The following ATP8B4 variants were observed in gnomAD, a reference collection of about 807,000 sequenced individuals.
ATP8B4 encodes probable phospholipid-transporting ATPase IM.
In ATP8B4, 133 loss-of-function variants were observed where a neutral mutation model predicts 145.6. The observed-to-expected ratio is 0.91, with a 90% confidence interval of 0.79 to 1.05. The LOEUF (loss-of-function observed/expected upper bound fraction) is 1.05, where lower values mean the gene tolerates loss of function less well. Among genes scored for constraint, ATP8B4 ranks in the 50% least tolerant of loss-of-function variants. The pLI is 0.00. For missense variants in ATP8B4, 1,458 were observed against 1,425.2 expected, an observed-to-expected ratio of 1.02 and a Z score of -0.37; for synonymous variants, 507 against 492.9, an observed-to-expected ratio of 1.03 and a Z score of -0.38.
At position 49,934,170 on chromosome 15, in the gene ATP8B4, CA is replaced by C; in HGVS notation, c.1299del (p.Val434TrpfsTer20). 1 of 1,609,778 alleles carries C rather than the reference CA, an allele frequency of 6.2e-7. No individual in the cohort carries two copies. The highest frequency in any genetic ancestry group is 2.2e-5 in the East Asian group (1 of 44,764). Reference protein sequence around the residue: ...QKTEITQEKEPVDFSVKSQAD... With the variant: ...QKTEITQEKEXVDFSVKSQAD... ...GCTTGAGATTTGACTGAGAAATCCA[CA>C]GGCTCTTTTTCCTGTAGGAGAACAA... On this transcript the variant is annotated frameshift_variant, in exon 15 of 28. Transcript: ENST00000284509. LOFTEE classifies it high-confidence loss of function.
intron 1 of ATP8B4, among the ~76,000 whole-genome samples, chr15:50,180,948 T>A (rs1440071647): frequency 6.6e-6 from 1 of 152,102 alleles, no homozygotes; most frequent in Admixed American, 6.5e-5. Flanking sequence ...GACAGAAACC[T>A]AGAGAATAGG....
At chr15:50,138,665 C>G (rs182797256) in intron 1 of ATP8B4, among the ~76,000 whole-genome samples, 1 of 152,170 alleles carries the variant, frequency 6.6e-6, no homozygotes, top group Admixed American at 6.5e-5. Flanking sequence ...GTAAAGTCAA[C>G]TGAATTTCAC....
chr15:50,080,032 C>A (rs1472350312), intron 2 of ATP8B4, among the ~76,000 whole-genome samples: 1 of 152,166 alleles, frequency 6.6e-6, no homozygotes, highest in Non-Finnish European at 1.5e-5. Flanking sequence ...AAGATAACAG[C>A]CATCAGCAGA....
At chr15:50,136,830 G>C (rs1236585888) in intron 1 of ATP8B4, among the ~76,000 whole-genome samples, 2 of 152,176 alleles carry the variant, frequency 1.3e-5, no homozygotes, top group Non-Finnish European at 2.9e-5. Context: ...TACCCCGTCT[G>C]TAAGATGGGG....
At chr15:50,061,419 T>C (rs1244191860) in intron 3 of ATP8B4, among the ~76,000 whole-genome samples, 1 of 152,162 alleles carries the variant, frequency 6.6e-6, no homozygotes, top group Admixed American at 6.5e-5. Context: ...CAGGCATCAT[T>C]TCCACAGGCA....
chr15:50,041,500 C>G (rs1348266751), intron 5 of ATP8B4, among the ~76,000 whole-genome samples: 1 of 152,232 alleles, frequency 6.6e-6, no homozygotes, highest in Admixed American at 6.5e-5. Context: ...ACCTTGTACA[C>G]TGACCTTCAG....
At chr15:50,148,406 T>C (rs1376249984) in intron 1 of ATP8B4, among the ~76,000 whole-genome samples, 1 of 152,032 alleles carries the variant, frequency 6.6e-6, no homozygotes, top group Admixed American at 6.5e-5. Flanking sequence ...CCCTCCAAAA[T>C]GTAGGTGTTG....
At chr15:50,012,119 C>T (rs935014851) in intron 6 of ATP8B4, among the ~76,000 whole-genome samples, 5 of 152,128 alleles carry the variant, frequency 3.3e-5, no homozygotes, top group African/African-American at 7.2e-5. Context: ...CAGTGCTACA[C>T]TTTTCTGAAC....
intron 9 of ATP8B4, among the ~76,000 whole-genome samples, chr15:49,994,525 C>T (rs192525693): frequency 7.9e-5 from 12 of 152,172 alleles, no homozygotes; most frequent in Non-Finnish European, 8.8e-5. Flanking sequence ...ACAAAGATCC[C>T]TGTGTAGCTT....
At chr15:50,030,216 T>C (rs1249586713) in intron 6 of ATP8B4, among the ~76,000 whole-genome samples, 1 of 151,884 alleles carries the variant, frequency 6.6e-6, no homozygotes, top group African/African-American at 2.4e-5. Context: ...AAATTCTGGA[T>C]CTCCTCCCAA....
intron 1 of ATP8B4, among the ~76,000 whole-genome samples, chr15:50,125,324 G>A (rs923425463): frequency 6.6e-6 from 1 of 152,140 alleles, no homozygotes; most frequent in East Asian, 1.9e-4. Flanking sequence ...GAGAAGAGAC[G>A]CTCTGCTCTT....
At chr15:50,034,553 A>G (rs1205062192) in intron 6 of ATP8B4, among the ~76,000 whole-genome samples, 1 of 152,186 alleles carries the variant, frequency 6.6e-6, no homozygotes, top group African/African-American at 2.4e-5. Context: ...AAAATTAGAC[A>G]TAAAATATAA....
chr15:50,028,231 T>C (rs2153588217), intron 6 of ATP8B4, among the ~76,000 whole-genome samples: 1 of 152,368 alleles, frequency 6.6e-6, no homozygotes, highest in East Asian at 1.9e-4. Flanking sequence ...TCATTACTCT[T>C]ACTTTCTATG....
intron 13 of ATP8B4, among the ~76,000 whole-genome samples, chr15:49,964,781 T>C (rs2044378091): frequency 6.6e-6 from 1 of 152,192 alleles, no homozygotes. Context: ...AAATAGGACA[T>C]TTATCACAAA....
chr15:50,147,420 CAAAAAAAAAA>C (rs11346792), intron 1 of ATP8B4, among the ~76,000 whole-genome samples: 1 of 122,804 alleles, frequency 8.1e-6, no homozygotes, highest in Non-Finnish European at 1.7e-5. Context: ...ACACTGTCTC[CAAAAAAAAAA>C]AAAAAAAAAA....
chr15:50,164,468 G>A (rs1048747373), intron 1 of ATP8B4, among the ~76,000 whole-genome samples: 1 of 152,046 alleles, frequency 6.6e-6, no homozygotes, highest in Non-Finnish European at 1.5e-5. Flanking sequence ...GTCCCTGCCT[G>A]TGTCTTATTT....
chr15:50,030,738 C>T (rs1288997556), intron 6 of ATP8B4, among the ~76,000 whole-genome samples: 1 of 152,152 alleles, frequency 6.6e-6, no homozygotes, highest in African/African-American at 2.4e-5. Context: ...ACATCTGGGT[C>T]ACATAAACTT....
chr15:49,956,909 A>G (rs1046392306), intron 14 of ATP8B4, among the ~76,000 whole-genome samples: 2 of 152,194 alleles, frequency 1.3e-5, no homozygotes, highest in Non-Finnish European at 1.5e-5. Flanking sequence ...AAATAGAAAA[A>G]TAACTGAAAA....
intron 10 of ATP8B4, among the ~76,000 whole-genome samples, chr15:49,986,857 C>T (rs1008923330): frequency 6.7e-6 from 1 of 150,102 alleles, no homozygotes; most frequent in Non-Finnish European, 1.5e-5. Context: ...GAGGCACCTC[C>T]TCCCACCCCA....
Sources: gnomAD v4.1 joint callset for allele counts (sites outside exome capture counted in the v4.1 genomes callset) on GRCh38, gnomAD v4.1.1 for gene constraint, MANE v1.5 for transcripts, NCBI Gene and HGNC (gene_info 2026-07-23, HGNC 2026-07-21) for gene names.